Variants in ITFG1 observed in about 807,000 individuals in gnomAD.
ITFG1 encodes the protein integrin alpha FG-GAP repeat containing 1, also known as T-cell immunomodulatory protein.
In ITFG1, 34 loss-of-function variants were observed where a neutral mutation model predicts 81.8. The ratio of observed to expected loss-of-function variants is 0.42; its 90% CI spans 0.32 to 0.55. The LOEUF is 0.55. ITFG1 is among the 20% of genes least tolerant of loss of function. The pLI is 0.17. For missense variants in ITFG1, 672 were observed against 755.4 expected (o/e 0.89, Z 1.29); for synonymous variants, 285 against 270.6 (o/e 1.05, Z -0.52).
chr16:47,240,532 C>G (rs1327256715), intron 12 of ITFG1, among the ~76,000 whole-genome samples: 1 of 152,084 alleles, frequency 6.6e-6, no homozygotes, highest in Non-Finnish European at 1.5e-5. Context: ...CCACTGAGCT[C>G]ATGAAAAGAT....
chr16:47,215,528 TTTG>T (rs1482989686), intron 14 of ITFG1, among the ~76,000 whole-genome samples: 3 of 152,182 alleles, frequency 2.0e-5, no homozygotes, highest in African/African-American at 7.2e-5. Flanking sequence ...CATACGTTAG[TTTG>T]TTTATATATT....
intron 8 of ITFG1, among the ~76,000 whole-genome samples, chr16:47,351,061 CAAAAT>C (rs1208143014): frequency 2.0e-5 from 3 of 152,146 alleles, no homozygotes; most frequent in African/African-American, 7.2e-5. Flanking sequence ...GGATGTATCT[CAAAAT>C]AATAAGAGCT....
intron 9 of ITFG1, 30 bp from the exon 10 acceptor site, chr16:47,311,442 TA>T: frequency 8.0e-6 from 12 of 1,492,386 alleles, no homozygotes; most frequent in Non-Finnish European, 1.1e-5. Flanking sequence ...GATCAGACTT[TA>T]TAGTTATTTT....
At chr16:47,223,249 C>T (rs1484436526) in intron 13 of ITFG1, among the ~76,000 whole-genome samples, 4 of 152,098 alleles carry the variant, frequency 2.6e-5, no homozygotes, top group Non-Finnish European at 5.9e-5. Context: ...TCTAATTAAA[C>T]CAAAGAGCTT....
chr16:47,447,469 A>G (rs903520624), intron 5 of ITFG1, among the ~76,000 whole-genome samples: 1 of 152,184 alleles, frequency 6.6e-6, no homozygotes. Context: ...ACCAATCAGA[A>G]CATAAAATAA....
At chr16:47,321,526 T>C (rs140850102) in intron 8 of ITFG1, among the ~76,000 whole-genome samples, 5 of 152,282 alleles carry the variant, frequency 3.3e-5, no homozygotes, top group African/African-American at 1.2e-4. Flanking sequence ...TAAGAGAAAT[T>C]ATTCTCACAA....
intron 14 of ITFG1, among the ~76,000 whole-genome samples, chr16:47,199,211 G>A (rs1431197883): frequency 6.6e-6 from 1 of 152,016 alleles, no homozygotes; most frequent in African/African-American, 2.4e-5. Context: ...AGGTTGCAGT[G>A]AGCCGAGATC....
At chr16:47,385,914 T>C (rs1440352257) in intron 6 of ITFG1, among the ~76,000 whole-genome samples, 1 of 152,230 alleles carries the variant, frequency 6.6e-6, no homozygotes, top group African/African-American at 2.4e-5. Context: ...TGATCATATT[T>C]AACTTACAGA....
chr16:47,443,107 C>G (rs1256449810), intron 5 of ITFG1, among the ~76,000 whole-genome samples: 1 of 152,100 alleles, frequency 6.6e-6, no homozygotes, highest in Non-Finnish European at 1.5e-5. Context: ...AGACACTTCT[C>G]AAAAGAAGAC....
At chr16:47,349,124 CACTG>C (rs1424171307) in intron 8 of ITFG1, among the ~76,000 whole-genome samples, 2 of 152,146 alleles carry the variant, frequency 1.3e-5, no homozygotes, top group Non-Finnish European at 2.9e-5. Flanking sequence ...TTGTAAAGAC[CACTG>C]ATGCTAGGAA....
intron 4 of ITFG1, among the ~76,000 whole-genome samples, chr16:47,451,702 T>G (rs1048763117): frequency 2.0e-5 from 3 of 152,162 alleles, no homozygotes; most frequent in African/African-American, 7.2e-5. Flanking sequence ...GCCATGGCAA[T>G]GAGAAGGCAT....
At chr16:47,410,667 G>C (rs1030939996) in intron 6 of ITFG1, among the ~76,000 whole-genome samples, 2 of 152,110 alleles carry the variant, frequency 1.3e-5, no homozygotes, top group African/African-American at 4.8e-5. Flanking sequence ...CCTAAGGAAG[G>C]TGTGAGTGAA....
intron 5 of ITFG1, among the ~76,000 whole-genome samples, chr16:47,443,543 A>C (rs1178501398): frequency 6.6e-6 from 1 of 152,248 alleles, no homozygotes; most frequent in Non-Finnish European, 1.5e-5. Context: ...TGTGGCACAT[A>C]TACACCATGG....
At chr16:47,419,700 T>G (rs1968919922) in intron 6 of ITFG1, among the ~76,000 whole-genome samples, 1 of 148,990 alleles carries the variant, frequency 6.7e-6, no homozygotes, top group South Asian at 2.1e-4. Flanking sequence ...CCTCCCAGGT[T>G]CAAGCAATTC....
chr16:47,305,698 A>G lies in ITFG1; in HGVS notation c.1070+5542T>C, dbSNP rs142308766. ...CACCAGACTTGACTAGCAAAAGTGA[A>G]TATCAGAATTTAACAGAGAAGTGTT... On this transcript the variant is annotated intron_variant, in intron 10 of 17. Transcript: ENST00000320640. Among the ~76,000 whole-genome samples, 22 of 152,334 alleles carry G rather than the reference A, an allele frequency of 1.4e-4. No individual in the cohort carries two copies. The East Asian group carries it at 3.3e-3, about 23-fold the overall frequency.
intron 10 of ITFG1, among the ~76,000 whole-genome samples, chr16:47,261,039 T>G (rs1341639666): frequency 1.3e-5 from 2 of 152,356 alleles, no homozygotes; most frequent in East Asian, 3.9e-4. Context: ...GTATTACTTT[T>G]CACTGAATAT....
chr16:47,382,716 T>G (rs1374667316), intron 6 of ITFG1, among the ~76,000 whole-genome samples: 1 of 152,180 alleles, frequency 6.6e-6, no homozygotes, highest in East Asian at 1.9e-4. Context: ...AAACTAAAAA[T>G]TTTAGGCAAA....
At position 47,315,371 on chromosome 16, in the gene ITFG1, T is replaced by C. The variant is rs1967337333; in HGVS notation, c.803-1548A>G. Among the ~76,000 whole-genome samples the C allele has an allele frequency of 2.6e-5, 4 of 151,690 alleles. No individual in the cohort carries two copies. In the East Asian group the frequency reaches 7.7e-4, roughly 29 times the overall value. ...GTAAGAAAGAACTAATACAAAAATGTGATTTACAAACTGGCTCAAGTGATA... is the reference window on the plus strand; with the variant it reads ...GTAAGAAAGAACTAATACAAAAATGCGATTTACAAACTGGCTCAAGTGATA... On this transcript the variant is annotated intron_variant, in intron 8 of 17. Transcript: ENST00000320640.
At chr16:47,427,487 T>C (rs2151609103) in intron 6 of ITFG1, among the ~76,000 whole-genome samples, 1 of 152,100 alleles carries the variant, frequency 6.6e-6, no homozygotes, top group Middle Eastern at 3.4e-3. Context: ...TGAAACCCCG[T>C]CTCTACTAAA....
Sources: gnomAD v4.1 joint callset for allele counts (sites outside exome capture counted in the v4.1 genomes callset) on GRCh38, gnomAD v4.1.1 for gene constraint, MANE v1.5 for transcripts, NCBI Gene and HGNC (gene_info 2026-07-23, HGNC 2026-07-21) for gene names.